Variants in RFFL observed in about 807,000 individuals in gnomAD.
RFFL encodes E3 ubiquitin-protein ligase rififylin.
A neutral mutation model predicts 40.4 loss-of-function variants in RFFL; 16 were observed. The observed-to-expected ratio is 0.40, with a 90% CI of 0.27 to 0.60. RFFL has a LOEUF of 0.60. Among genes scored for constraint, RFFL ranks in the 20% least tolerant of loss-of-function variants. The pLI is 0.47. For synonymous variants in RFFL, 154 were observed against 167.9 expected (o/e 0.92, Z 0.64); for missense variants, 367 against 451.7 (o/e 0.81, Z 1.70).
intron 1 of RFFL, among the ~76,000 whole-genome samples, chr17:35,073,169 T>C (rs1212032432): frequency 6.6e-6 from 1 of 152,190 alleles, no homozygotes; most frequent in East Asian, 1.9e-4. Context: ...GCAGGAGAGA[T>C]GATTATTTAA....
intron 1 of RFFL, among the ~76,000 whole-genome samples, chr17:35,054,522 T>C (rs886585776): frequency 3.3e-5 from 5 of 152,150 alleles, no homozygotes; most frequent in African/African-American, 4.8e-5. Flanking sequence ...GAACTCTTAC[T>C]CTATCTTTTA....
intron 3 of RFFL, among the ~76,000 whole-genome samples, chr17:35,018,187 C>T (rs1248715656): frequency 6.6e-6 from 1 of 152,152 alleles, no homozygotes. Flanking sequence ...TCTTTTCTGC[C>T]TAGTAACTAC....
intron 1 of RFFL, among the ~76,000 whole-genome samples, chr17:35,061,352 A>C (rs1004844464): frequency 4.6e-5 from 7 of 152,200 alleles, no homozygotes; most frequent in African/African-American, 1.4e-4. Flanking sequence ...CTAAGTCTTC[A>C]GTGTGTAAGA....
At chr17:35,020,742 T>C (rs570747221) in intron 3 of RFFL, among the ~76,000 whole-genome samples, 9 of 152,240 alleles carry the variant, frequency 5.9e-5, no homozygotes, top group Admixed American at 5.2e-4. Flanking sequence ...AGAGACAGTT[T>C]ATTACTCATT....
chr17:35,012,644 A>C (rs1435285814), intron 6 of RFFL, among the ~76,000 whole-genome samples: 1 of 152,250 alleles, frequency 6.6e-6, no homozygotes, highest in African/African-American at 2.4e-5. Context: ...TCCTCCATTT[A>C]ATAAAGTCAG....
At chr17:35,035,168 G>A (rs1367547905) in intron 1 of RFFL, among the ~76,000 whole-genome samples, 3 of 152,182 alleles carry the variant, frequency 2.0e-5, no homozygotes, top group Admixed American at 1.3e-4. Flanking sequence ...CCAGCACTTT[G>A]TGAGGCTGAG....
At chr17:35,029,035 A>C (rs896350305) in intron 1 of RFFL, among the ~76,000 whole-genome samples, 4 of 151,996 alleles carry the variant, frequency 2.6e-5, no homozygotes, top group Non-Finnish European at 5.9e-5. Flanking sequence ...AATCATATAC[A>C]ATATCTAAGT....
chr17:35,082,437 C>A (rs529725376), intron 1 of RFFL, among the ~76,000 whole-genome samples: 1 of 152,336 alleles, frequency 6.6e-6, no homozygotes, highest in Non-Finnish European at 1.5e-5. Flanking sequence ...TAATGTTATT[C>A]ATTTATTCCT....
intron 1 of RFFL, among the ~76,000 whole-genome samples, chr17:35,029,337 G>A (rs1044762524): frequency 6.8e-6 from 1 of 146,010 alleles, no homozygotes; most frequent in Non-Finnish European, 1.5e-5. Context: ...GAAATATTTT[G>A]TAGTTTTTTT....
intron 1 of RFFL, among the ~76,000 whole-genome samples, chr17:35,032,798 G>C (rs1426656116): frequency 6.6e-6 from 1 of 151,920 alleles, no homozygotes; most frequent in Non-Finnish European, 1.5e-5. Context: ...GCAGAAAAGA[G>C]GAAAAAAGAA....
intron 1 of RFFL, among the ~76,000 whole-genome samples, chr17:35,027,216 C>G (rs1286250759): frequency 1.3e-5 from 2 of 152,164 alleles, no homozygotes; most frequent in Admixed American, 6.5e-5. Context: ...TACATTTGTA[C>G]CCCCAATCCT....
At chr17:35,056,985 G>A (rs2091265296) in intron 1 of RFFL, among the ~76,000 whole-genome samples, 2 of 150,368 alleles carry the variant, frequency 1.3e-5, no homozygotes, top group African/African-American at 2.5e-5. Flanking sequence ...GTGCAACCTC[G>A]GCTCACTGCA....
chr17:35,064,176 G>A (rs1260117234), upstream of RFFL, among the ~76,000 whole-genome samples: 3 of 152,156 alleles, frequency 2.0e-5, no homozygotes, highest in Non-Finnish European at 4.4e-5. Flanking sequence ...TCATTAGGGT[G>A]AATTTTTGTC....
At chr17:35,051,910 CT>C (rs2091234091) in intron 1 of RFFL, among the ~76,000 whole-genome samples, 1 of 152,188 alleles carries the variant, frequency 6.6e-6, no homozygotes, top group East Asian at 1.9e-4. Flanking sequence ...TCAAGTGTAA[CT>C]TTCCACTACT....
intron 2 of RFFL, among the ~76,000 whole-genome samples, chr17:35,023,687 G>A (rs527704056): frequency 6.6e-6 from 1 of 152,358 alleles, no homozygotes; most frequent in South Asian, 2.1e-4. Flanking sequence ...TTAAGTCGAT[G>A]CAGTCTGACA....
intron 2 of RFFL, among the ~76,000 whole-genome samples, chr17:35,024,197 C>G (rs889340272): frequency 6.6e-6 from 1 of 152,178 alleles, no homozygotes; most frequent in Non-Finnish European, 1.5e-5. Flanking sequence ...TGCTGGCTCC[C>G]GTTTGCCAAC....
chr17:35,074,031 T>C (rs1847124910), intron 1 of RFFL: 1 of 152,220 alleles, frequency 6.6e-6, no homozygotes, highest in African/African-American at 2.4e-5. Flanking sequence ...CATGTAGTTT[T>C]ATGAATAAAA....
chr17:35,014,782 G>A lies in RFFL; in HGVS notation c.887-19C>T. ...CCACTGACTGAAAAGGAAAGAGAAG[G>A]ATGTCTGAATAGGTAAGGCATGATG... On this transcript the variant is annotated intron_variant, in intron 5 of 6. Coordinates refer to ENST00000394597, the MANE Select transcript of RFFL (RefSeq NM_001017368.2). The A allele has an allele frequency of 3.7e-6, 6 of 1,611,686 alleles. No individual in the cohort carries two copies. Among genetic ancestry groups the A allele is most frequent in the Non-Finnish European group, 5.1e-6 (6 of 1,177,860 alleles).
At chr17:35,052,471 G>A (rs1872839537) in intron 1 of RFFL, among the ~76,000 whole-genome samples, 3 of 152,162 alleles carry the variant, frequency 2.0e-5, no homozygotes, top group African/African-American at 7.2e-5. Flanking sequence ...GACTGCTAAT[G>A]AGGAGAGAAT....
Sources: allele counts gnomAD v4.1 joint callset (sites outside exome capture counted in the v4.1 genomes callset), GRCh38; gene constraint gnomAD v4.1.1; transcripts MANE v1.5; gene names NCBI Gene and HGNC (gene_info 2026-07-23, HGNC 2026-07-21).